The following FER variants were observed in gnomAD, a reference collection of about 807,000 sequenced individuals.
The protein encoded by FER is tyrosine-protein kinase Fer.
FER carries 63 observed loss-of-function variants against 111.0 expected under a neutral mutation model. The observed-to-expected ratio is 0.57, with a 90% CI of 0.46 to 0.70. The LOEUF (loss-of-function observed/expected upper bound fraction) is 0.70. Ranked by LOEUF, FER falls within the 30% of genes least tolerant of loss-of-function variation. The pLI is 0.00. For missense variants in FER, 914 were observed against 954.0 expected, an observed-to-expected ratio of 0.96 and a Z score of 0.55; for synonymous variants, 327 against 313.9, an observed-to-expected ratio of 1.04 and a Z score of -0.44.
In FER at chr5:108,760,586, C is replaced by T. The variant is rs1204596375; in HGVS notation, c.-205-7507C>T. ...TGTACATCACCACTTGCTGCTTCACCTTGCACTTTTATGTTGAGATAGCCT... is the reference window on the plus strand; with the variant it reads ...TGTACATCACCACTTGCTGCTTCACTTTGCACTTTTATGTTGAGATAGCCT... On this transcript the variant is annotated intron_variant, in intron 1 of 19. Coordinates refer to ENST00000281092, the MANE Select transcript of FER (RefSeq NM_005246.4). 2.0e-5 allele frequency among the ~76,000 whole-genome samples: 3 copies of T among 152,276 alleles called. No individual in the cohort carries two copies. In the East Asian group the frequency reaches 5.8e-4, roughly 29 times the overall value.
chr5:109,158,720 C>T (rs781490618), intron 17 of FER, among the ~76,000 whole-genome samples: 1 of 152,114 alleles, frequency 6.6e-6, no homozygotes, highest in East Asian at 1.9e-4. Context: ...CCTACTGATC[C>T]TCTCAAAAAT....
chr5:108,858,882 T>C (rs1297546215), intron 5 of FER, among the ~76,000 whole-genome samples: 6 of 151,252 alleles, frequency 4.0e-5, no homozygotes, highest in Non-Finnish European at 8.8e-5. Flanking sequence ...CATATGGACA[T>C]ATAGCTTATT....
At chr5:109,078,121 A>G (rs1776580867) in intron 16 of FER, among the ~76,000 whole-genome samples, 1 of 152,204 alleles carries the variant, frequency 6.6e-6, no homozygotes, top group African/African-American at 2.4e-5. Flanking sequence ...ATAGTTCAGC[A>G]ACATCTGTGT....
At chr5:109,024,572 G>C (rs935918328) in intron 13 of FER, among the ~76,000 whole-genome samples, 1 of 152,174 alleles carries the variant, frequency 6.6e-6, no homozygotes, top group South Asian at 2.1e-4. Context: ...TGTGAGCTAC[G>C]GAGGACGGTG....
intron 1 of FER, among the ~76,000 whole-genome samples, chr5:108,750,089 T>C (rs1052586735): frequency 6.6e-6 from 1 of 152,234 alleles, no homozygotes; most frequent in African/African-American, 2.4e-5. Context: ...TGACATAAAC[T>C]GCTGTAAAGG....
chr5:109,129,255 T>C (rs1464061380), intron 17 of FER, among the ~76,000 whole-genome samples: 1 of 152,060 alleles, frequency 6.6e-6, no homozygotes, highest in Non-Finnish European at 1.5e-5. Flanking sequence ...TTCAGCAGTT[T>C]GTTCTGTTTG....
intron 13 of FER, among the ~76,000 whole-genome samples, chr5:108,994,117 CTTTAG>C (rs1763691812): frequency 6.6e-6 from 1 of 152,120 alleles, no homozygotes; most frequent in African/African-American, 2.4e-5. Flanking sequence ...TTCAGAAGCT[CTTTAG>C]TTTAATTAGA....
At chr5:109,146,137 C>CAA (rs1407205531) in intron 17 of FER, among the ~76,000 whole-genome samples, 2 of 129,662 alleles carry the variant, frequency 1.5e-5, no homozygotes, top group Non-Finnish European at 3.4e-5. Flanking sequence ...TGAATTTAAA[C>CAA]AACAGAGAGG....
In FER at chr5:109,155,872, G is replaced by A. The variant is rs143141127; in HGVS notation, c.2049-24875G>A. Among the ~76,000 whole-genome samples the A allele has an allele frequency of 6.3e-4, 96 of 152,054 alleles. 2 individuals are homozygous for A. The highest frequency in any genetic ancestry group is 2.1e-3 in the African/African-American group (86 of 41,528). The stretch of plus-strand genomic sequence containing the variant: ...TAAGGGAAACAGTGTGGTTATATCA[G>A]GGTTTCACTAAGGTTTTTGAGAAAG... On this transcript the variant is annotated intron_variant, in intron 17 of 19. Transcript: ENST00000281092.
chr5:109,120,436 T>C (rs958603909), intron 17 of FER, among the ~76,000 whole-genome samples: 3 of 152,114 alleles, frequency 2.0e-5, no homozygotes, highest in Admixed American at 1.3e-4. Context: ...CTATGTTCTC[T>C]ATTTTGTTAA....
chr5:108,794,542 G>A (rs1299541726), intron 2 of FER, among the ~76,000 whole-genome samples: 15 of 24,264 alleles, frequency 6.2e-4, no homozygotes, highest in African/African-American at 2.1e-3. Flanking sequence ...CCCCCTCCCC[G>A]CACCTTAACA....
At chr5:109,024,715 A>G (rs1173184294) in intron 13 of FER, among the ~76,000 whole-genome samples, 3 of 152,096 alleles carry the variant, frequency 2.0e-5, no homozygotes, top group Non-Finnish European at 2.9e-5. Flanking sequence ...AGCAGAAACT[A>G]TATTTTGCTT....
chr5:109,103,310 A>G (rs886662017), intron 17 of FER, among the ~76,000 whole-genome samples: 8 of 152,176 alleles, frequency 5.3e-5, no homozygotes, highest in African/African-American at 1.7e-4. Flanking sequence ...AGAACTCAGT[A>G]TATAGTTGAA....
rs565992961 is a variant in FER, at chr5:108,861,862, C to A, written c.482-5905C>A. ...AAATTGACTTATGTATCCTGTATAG[C>A]ACCCTAAACATTTATTTTAAAACAA... On this transcript the variant is annotated intron_variant, in intron 5 of 19. Transcript: ENST00000281092. 2.7e-3 allele frequency among the ~76,000 whole-genome samples: 415 copies of A among 152,206 alleles called. 6 individuals carry two copies. The highest frequency in any genetic ancestry group is 9.3e-3 in the African/African-American group (388 of 41,546).
At chr5:109,039,707 T>C (rs1474606875) in intron 14 of FER, among the ~76,000 whole-genome samples, 1 of 152,076 alleles carries the variant, frequency 6.6e-6, no homozygotes, top group East Asian at 1.9e-4. Context: ...GCATTTTCAT[T>C]GTAACAGTAA....
intron 10 of FER, among the ~76,000 whole-genome samples, chr5:108,900,488 A>G (rs1187473602): frequency 6.6e-6 from 1 of 152,262 alleles, no homozygotes. Context: ...TTTTCTCTTT[A>G]TAAATTCCAT....
intron 3 of FER, among the ~76,000 whole-genome samples, chr5:108,819,578 G>A: frequency 6.6e-6 from 1 of 152,134 alleles, no homozygotes; most frequent in East Asian, 1.9e-4. Context: ...AAGGCCTGCT[G>A]CGAGTGTGCA....
chr5:108,973,323 A>G (rs1481989267), intron 13 of FER, among the ~76,000 whole-genome samples: 2 of 152,128 alleles, frequency 1.3e-5, no homozygotes, highest in Non-Finnish European at 2.9e-5. Flanking sequence ...CCCACATTCT[A>G]TTTTATGTAG....
At chr5:109,180,978 CA>C in intron 18 of FER, 77 bp downstream of exon 18, 1 of 1,248,184 alleles carries the variant, frequency 8.0e-7, no homozygotes, top group African/African-American at 1.5e-5. Flanking sequence ...GCAATATTTA[CA>C]GGGGTAGCAC....
Sources: allele counts gnomAD v4.1 joint callset (sites outside exome capture counted in the v4.1 genomes callset), GRCh38; gene constraint gnomAD v4.1.1; transcripts MANE v1.5; gene names NCBI Gene and HGNC (gene_info 2026-07-23, HGNC 2026-07-21).